Variants in MYO9A observed in about 807,000 individuals in gnomAD.
MYO9A encodes unconventional myosin-IXa.
In MYO9A, 103 loss-of-function variants were observed where a neutral mutation model predicts 293.3. The ratio of observed to expected loss-of-function variants is 0.35; its 90% CI spans 0.30 to 0.41. The LOEUF (loss-of-function observed/expected upper bound fraction) is 0.41, where lower values mean the gene tolerates loss of function less well. Among genes scored for constraint, MYO9A ranks in the 10% least tolerant of loss-of-function variants. MYO9A has a pLI of 1.00. For missense variants in MYO9A, 2,685 were observed against 3,033.0 expected (o/e 0.89, Z 2.69); for synonymous variants, 1,001 against 1,035.7 (o/e 0.97, Z 0.64).
In MYO9A at chr15:71,935,478, TG is replaced by T; in HGVS notation, c.2384del (p.Thr795AsnfsTer63). 6.2e-7 allele frequency: 1 copy of T among 1,613,042 alleles called. No homozygotes were observed. Among genetic ancestry groups the T allele is most frequent in the Non-Finnish European group, 8.5e-7 (1 of 1,179,384 alleles). On this transcript the variant is annotated frameshift_variant, in exon 17 of 42. Coordinates refer to ENST00000356056, the MANE Select transcript of MYO9A (RefSeq NM_006901.4). LOFTEE classifies it high-confidence loss of function. ...TTCTGCCATTCCAGGCAATATCAAATGTATCACTGTAAAAAATATAATTTGC... is the reference window on the plus strand; with the variant it reads ...TTCTGCCATTCCAGGCAATATCAAATTATCACTGTAAAAAATATAATTTGC... ...NALNEKNQHD[T>X]FDIAWNGRTG...
rs768047008 is a variant in MYO9A, at chr15:71,827,873, T to C, written c.7183+11A>G. On this transcript the variant is annotated intron_variant, in intron 41 of 41. Transcript: ENST00000356056. ...CAAATCTGGAGTCTTTGGTCTACCA[T>C]GTTCACTTACCTGATTTCTCAGAGA... The C allele has an allele frequency of 1.9e-6, 3 of 1,610,544 alleles. No homozygotes were observed. Among genetic ancestry groups the C allele is most frequent in the South Asian group, 1.1e-5 (1 of 90,244 alleles).
At chr15:71,986,318 G>T (rs919848222) in intron 11 of MYO9A, among the ~76,000 whole-genome samples, 3 of 152,130 alleles carry the variant, frequency 2.0e-5, no homozygotes, top group Non-Finnish European at 2.9e-5. Context: ...TCAGCAGGGG[G>T]TCCTGAAACC....
At chr15:71,832,058 C>T (rs1047090742) in intron 39 of MYO9A, among the ~76,000 whole-genome samples, 3 of 152,162 alleles carry the variant, frequency 2.0e-5, no homozygotes, top group Non-Finnish European at 4.4e-5. Context: ...AGGCAGATCA[C>T]CTGAGGTCAG....
chr15:71,883,981 G>A lies in MYO9A; in HGVS notation c.5256-245C>T, dbSNP rs140212209. On this transcript the variant is annotated intron_variant, in intron 27 of 41. Transcript: ENST00000356056. ...CAGATGAGGAAACATCTTGAATACA[G>A]AAATAACAAAACCCAGAGAAGTTCA... 0.018 allele frequency among the ~76,000 whole-genome samples: 2,805 copies of A among 151,728 alleles called. 91 individuals are homozygous for A. Among genetic ancestry groups the A allele is most frequent in the African/African-American group, 0.064 (2,656 of 41,372 alleles).
At chr15:71,903,853 G>A in intron 21 of MYO9A, 76 bp downstream of exon 21, 1 of 1,276,276 alleles carries the variant, frequency 7.8e-7, no homozygotes, top group Non-Finnish European at 1.1e-6. Flanking sequence ...AAGCCCCAAA[G>A]AAATAATAAG....
chr15:72,083,018 G>T (rs2079600629), intron 1 of MYO9A, among the ~76,000 whole-genome samples: 1 of 151,890 alleles, frequency 6.6e-6, no homozygotes. Context: ...TTGATATCAG[G>T]ATGATACTGG....
intron 39 of MYO9A, among the ~76,000 whole-genome samples, chr15:71,843,908 G>A (rs948750149): frequency 2.6e-5 from 4 of 152,130 alleles, no homozygotes; most frequent in African/African-American, 4.8e-5. Context: ...TTTACATTAA[G>A]TACTAAACTC....
rs141665813 is a variant in MYO9A at position 72,000,943 on chromosome 15, T to C, written c.1381-1003A>G. 4.2e-3 allele frequency among the ~76,000 whole-genome samples: 635 copies of C among 152,344 alleles called. 4 individuals carry two copies. Among genetic ancestry groups the C allele is most frequent in the Non-Finnish European group, 6.6e-3 (450 of 68,032 alleles). On this transcript the variant is annotated intron_variant, in intron 8 of 41. Coordinates refer to ENST00000356056, the MANE Select transcript of MYO9A (RefSeq NM_006901.4). ...ATTAGAAAATAAACCACAATGAATA[T>C]TGTTGCACATGAGTTCAAAAGTTTC...
intron 12 of MYO9A, among the ~76,000 whole-genome samples, chr15:71,976,961 A>G (rs547822574): frequency 6.6e-5 from 10 of 152,334 alleles, no homozygotes; most frequent in African/African-American, 2.4e-4. Flanking sequence ...TTCAATTTCT[A>G]AATTTTTTAC....
At chr15:72,098,066 C>A (rs1226812963) in intron 1 of MYO9A, among the ~76,000 whole-genome samples, 1 of 152,072 alleles carries the variant, frequency 6.6e-6, no homozygotes, top group Admixed American at 6.6e-5. Context: ...TCAAAGATGT[C>A]CACACCAGCA....
intron 1 of MYO9A, among the ~76,000 whole-genome samples, chr15:72,077,416 G>A (rs949701796): frequency 5.3e-5 from 8 of 152,000 alleles, no homozygotes; most frequent in Non-Finnish European, 8.8e-5. Context: ...AAGATGCCGG[G>A]CGCCATGGCT....
chr15:71,973,294 C>T (rs895545396), intron 12 of MYO9A, among the ~76,000 whole-genome samples: 5 of 152,200 alleles, frequency 3.3e-5, no homozygotes, highest in African/African-American at 1.2e-4. Context: ...GACCAACCAG[C>T]TTCTCCTTGA....
chr15:71,890,193 GAA>G (rs1477338474), intron 26 of MYO9A: 1 of 152,166 alleles, frequency 6.6e-6, no homozygotes, highest in Non-Finnish European at 1.5e-5. Context: ...ACATCAGAGA[GAA>G]AGAAAATTCA....
At position 71,900,017 on chromosome 15, in the gene MYO9A, G is replaced by A; in HGVS notation, c.3151-11C>T. The A allele has an allele frequency of 6.3e-7, 1 of 1,588,720 alleles. No homozygotes were observed. The highest frequency in any genetic ancestry group is 1.1e-5 in the South Asian group (1 of 88,482). On this transcript the variant is annotated splice_polypyrimidine_tract_variant and intron_variant, in intron 23 of 41. Transcript: ENST00000356056. ...ATTCCTCCAGAATCTCTATGGGGAA[G>A]ACAAAATAACAGAAACTGGTTGTCA...
In MYO9A at chr15:71,933,563, T is replaced by C. The variant is rs544409803; in HGVS notation, c.2562+107A>G. ...CTAAGTGCACGATCACTATCTTGGA[T>C]ACAAATAAGGTTATTTCTTGTTTTT... On this transcript the variant is annotated intron_variant, in intron 18 of 41. Coordinates refer to ENST00000356056, the MANE Select transcript of MYO9A (RefSeq NM_006901.4). 125 of 1,049,652 alleles carry C rather than the reference T, an allele frequency of 1.2e-4. No individual in the cohort carries two copies. The African/African-American group carries it at 1.9e-3, about 16-fold the overall frequency. The allele number at this position is 1,049,652 out of a possible 1,614,324, so 65.0% of individuals were successfully genotyped here.
Position 72,019,003 on chromosome 15 carries a change from G to C in MYO9A, c.1155+36C>G, listed in dbSNP as rs773266400. 1.9e-6 allele frequency: 3 copies of C among 1,576,194 alleles called. No individual in the cohort carries two copies. In the South Asian group the frequency reaches 3.3e-5, roughly 18 times the overall value. On this transcript the variant is annotated intron_variant, in intron 6 of 41. Transcript: ENST00000356056. ...CAAATGCGCAATGTGAGGACCCTTTGACAGAAACACAGAATATTTAGGTAC... is the reference window on the plus strand; with the variant it reads ...CAAATGCGCAATGTGAGGACCCTTTCACAGAAACACAGAATATTTAGGTAC...
intron 1 of MYO9A, among the ~76,000 whole-genome samples, chr15:72,096,118 G>A (rs190183552): frequency 1.2e-4 from 17 of 139,504 alleles, no homozygotes; most frequent in African/African-American, 3.6e-4. Flanking sequence ...CCAAGATCAC[G>A]CCACTATACT....
intron 39 of MYO9A, among the ~76,000 whole-genome samples, chr15:71,848,357 A>ATACTT (rs2055482177): frequency 6.6e-6 from 1 of 152,088 alleles, no homozygotes; most frequent in South Asian, 2.1e-4. Flanking sequence ...ACTCAAAGAA[A>ATACTT]TACTTTTTGA....
chr15:71,908,248 T>C lies in MYO9A; in HGVS notation c.2686-3242A>G, dbSNP rs535249803. Among the ~76,000 whole-genome samples, 3 of 152,352 alleles carry C rather than the reference T, an allele frequency of 2.0e-5. No individual in the cohort carries two copies. In the South Asian group the frequency reaches 6.2e-4, roughly 32 times the overall value. The stretch of plus-strand genomic sequence containing the variant: ...TTTCTCAGGTTTGTCAAAGATCAGA[T>C]AGTTGTAGATATACAGCGTTATTTC... On this transcript the variant is annotated intron_variant, in intron 19 of 41. Coordinates refer to ENST00000356056, the MANE Select transcript of MYO9A (RefSeq NM_006901.4).
Sources: allele counts gnomAD v4.1 joint callset (sites outside exome capture counted in the v4.1 genomes callset), GRCh38; gene constraint gnomAD v4.1.1; transcripts MANE v1.5; gene names NCBI Gene and HGNC (gene_info 2026-07-23, HGNC 2026-07-21).